Variants in GMDS observed in about 807,000 individuals in gnomAD.
GMDS encodes the protein GDP-mannose 4,6-dehydratase, also known as GDP-mannose 4,6 dehydratase.
In GMDS, 20 loss-of-function variants were observed where a neutral mutation model predicts 49.9. The ratio of observed to expected loss-of-function variants is 0.40; its 90% confidence interval spans 0.28 to 0.58. GMDS has a LOEUF of 0.58. GMDS is among the 20% of genes least tolerant of loss of function. The pLI, the probability that GMDS is intolerant of heterozygous loss-of-function variation, is 0.42. For missense variants in GMDS, 362 were observed against 481.4 expected, an observed-to-expected ratio of 0.75 and a Z score of 2.32; for synonymous variants, 177 against 178.6, an observed-to-expected ratio of 0.99 and a Z score of 0.07.
At chr6:2,128,690 G>C (rs1775580545) in intron 1 of GMDS, among the ~76,000 whole-genome samples, 1 of 152,160 alleles carries the variant, frequency 6.6e-6, no homozygotes, top group Admixed American at 6.5e-5. Flanking sequence ...AATAATAAGA[G>C]ACCATAAAAG....
intron 7 of GMDS, among the ~76,000 whole-genome samples, chr6:1,777,816 C>T (rs1023305111): frequency 6.6e-6 from 1 of 152,168 alleles, no homozygotes; most frequent in Admixed American, 6.5e-5. Flanking sequence ...CAGCAGACGG[C>T]TCACCATGAA....
At chr6:1,649,564 A>G (rs549502883) in intron 9 of GMDS, among the ~76,000 whole-genome samples, 1 of 152,268 alleles carries the variant, frequency 6.6e-6, no homozygotes, top group South Asian at 2.1e-4. Flanking sequence ...CTATCTTTGC[A>G]CCTTGTAACA....
intron 4 of GMDS, among the ~76,000 whole-genome samples, chr6:2,062,116 A>T (rs1202599885): frequency 6.6e-6 from 1 of 152,154 alleles, no homozygotes; most frequent in African/African-American, 2.4e-5. Context: ...AACCAAAGAA[A>T]GCCTGCCAGC....
chr6:1,933,693 C>T lies in GMDS; in HGVS notation c.644-3463G>A, dbSNP rs557679276. ...TTTTGGAGACATGTCTATTCAGATC[C>T]TTTGTCCATTTTTAAATCGGATTAC... On this transcript the variant is annotated intron_variant, in intron 6 of 10. Coordinates refer to ENST00000380815, the MANE Select transcript of GMDS (RefSeq NM_001500.4). Among the ~76,000 whole-genome samples the T allele has an allele frequency of 3.0e-4, 45 of 152,302 alleles. No homozygotes were observed. In the South Asian group the frequency reaches 8.1e-3, roughly 27 times the overall value.
intron 1 of GMDS, among the ~76,000 whole-genome samples, chr6:2,136,315 T>C (rs1775997555): frequency 1.3e-5 from 2 of 152,348 alleles, no homozygotes; most frequent in Non-Finnish European, 2.9e-5. Flanking sequence ...ACCCAACCTG[T>C]ACCAAATATA....
At chr6:1,848,118 A>C (rs1356232293) in intron 7 of GMDS, among the ~76,000 whole-genome samples, 4 of 152,106 alleles carry the variant, frequency 2.6e-5, no homozygotes, top group African/African-American at 4.8e-5. Flanking sequence ...CTCAATTTCC[A>C]ATCTTCATAG....
intron 8 of GMDS, among the ~76,000 whole-genome samples, chr6:1,735,450 G>A (rs1034545674): frequency 2.0e-5 from 3 of 152,252 alleles, no homozygotes; most frequent in Non-Finnish European, 2.9e-5. Flanking sequence ...ACCTAGCACA[G>A]ACTAGGTGGA....
At chr6:1,894,352 G>C (rs1239814222) in intron 7 of GMDS, among the ~76,000 whole-genome samples, 1 of 152,058 alleles carries the variant, frequency 6.6e-6, no homozygotes, top group African/African-American at 2.4e-5. Context: ...TTCATATTTT[G>C]TGTTATAGGT....
intron 4 of GMDS, among the ~76,000 whole-genome samples, chr6:2,047,978 T>C (rs1171056234): frequency 6.6e-6 from 1 of 152,322 alleles, no homozygotes; most frequent in Middle Eastern, 3.4e-3. Flanking sequence ...AATGTTTCCA[T>C]AATGCTATAC....
At chr6:1,767,838 G>C (rs1476674492) in intron 7 of GMDS, among the ~76,000 whole-genome samples, 2 of 152,086 alleles carry the variant, frequency 1.3e-5, no homozygotes, top group South Asian at 4.1e-4. Flanking sequence ...GAAAATACAA[G>C]GGAGAGAGTT....
chr6:2,171,374 G>A (rs1001060861), intron 1 of GMDS, among the ~76,000 whole-genome samples: 3 of 152,212 alleles, frequency 2.0e-5, no homozygotes, highest in African/African-American at 7.2e-5. Context: ...TAGGTGCCTA[G>A]TTCTCTTCTT....
chr6:1,880,284 C>CAAAAAAA (rs34490393), intron 7 of GMDS, among the ~76,000 whole-genome samples: 8 of 59,118 alleles, frequency 1.4e-4, no homozygotes, highest in African/African-American at 5.8e-4. Context: ...CTCATTTCCA[C>CAAAAAAA]AAAAAAAAAA....
chr6:1,997,797 T>C (rs1426358843), intron 4 of GMDS, among the ~76,000 whole-genome samples: 1 of 152,096 alleles, frequency 6.6e-6, no homozygotes, highest in African/African-American at 2.4e-5. Context: ...ACCTGCCAAC[T>C]ACCCACATTG....
chr6:1,997,365 A>C (rs920352800), intron 4 of GMDS, among the ~76,000 whole-genome samples: 3 of 151,864 alleles, frequency 2.0e-5, no homozygotes, highest in African/African-American at 7.3e-5. Flanking sequence ...AAAATTAGCC[A>C]GGCGTGGTGG....
chr6:2,228,709 T>G (rs1780934295), intron 1 of GMDS, among the ~76,000 whole-genome samples: 1 of 152,252 alleles, frequency 6.6e-6, no homozygotes, highest in African/African-American at 2.4e-5. Flanking sequence ...TGTGCAGTGT[T>G]AAGAGTAACC....
intron 4 of GMDS, among the ~76,000 whole-genome samples, chr6:2,065,727 A>C (rs574340848): frequency 6.6e-6 from 1 of 152,276 alleles, no homozygotes; most frequent in African/African-American, 2.4e-5. Flanking sequence ...GAGAAAAAAG[A>C]ATAAAAAGAA....
intron 9 of GMDS, among the ~76,000 whole-genome samples, chr6:1,627,045 G>C (rs1490609516): frequency 6.6e-6 from 1 of 152,196 alleles, no homozygotes; most frequent in Non-Finnish European, 1.5e-5. Context: ...ATTAGACCAA[G>C]AGACCTTGGG....
intron 9 of GMDS, among the ~76,000 whole-genome samples, chr6:1,721,548 G>T (rs1766384025): frequency 6.6e-6 from 1 of 152,002 alleles, no homozygotes; most frequent in Non-Finnish European, 1.5e-5. Flanking sequence ...CTTGATTTGG[G>T]TCTGTGAATG....
chr6:2,200,735 A>T, intron 1 of GMDS, among the ~76,000 whole-genome samples: 1 of 97,622 alleles, frequency 1.0e-5, no homozygotes, highest in South Asian at 3.8e-4. Context: ...CACCACATGG[A>T]CATCCGAGAT....
Sources: allele counts gnomAD v4.1 joint callset (sites outside exome capture counted in the v4.1 genomes callset), GRCh38; gene constraint gnomAD v4.1.1; transcripts MANE v1.5; gene names NCBI Gene and HGNC (gene_info 2026-07-23, HGNC 2026-07-21).